SPON1: variants seen among roughly 807,000 people sequenced by gnomAD.
SPON1 encodes the protein spondin 1, also known as spondin-1.
In SPON1, 52 loss-of-function variants were observed where a neutral mutation model predicts 111.7. The observed-to-expected ratio is 0.47, with a 90% CI of 0.37 to 0.59. The LOEUF is 0.59. Among genes scored for constraint, SPON1 ranks in the 20% least tolerant of loss-of-function variants. The probability of loss-of-function intolerance (pLI) is 0.00; values close to 1 mark genes in which losing one functional copy is unlikely to be tolerated. For synonymous variants in SPON1, 410 were observed against 395.8 expected (o/e 1.04, Z -0.43); for missense variants, 957 against 1,068.5 (o/e 0.90, Z 1.46).
At chr11:14,144,633 C>A (rs1289863432) in intron 6 of SPON1, among the ~76,000 whole-genome samples, 2 of 123,970 alleles carry the variant, frequency 1.6e-5, no homozygotes, top group African/African-American at 6.6e-5. Context: ...GACTCCATCT[C>A]CAATAATAAT....
chr11:14,147,243 AG>A (rs1348202740), intron 6 of SPON1, among the ~76,000 whole-genome samples: 1 of 151,600 alleles, frequency 6.6e-6, no homozygotes, highest in Non-Finnish European at 1.5e-5. Flanking sequence ...CTTGTTGGTC[AG>A]GCTGGTCTCA....
chr11:14,054,939 T>C (rs567077585), intron 3 of SPON1, among the ~76,000 whole-genome samples: 1 of 152,242 alleles, frequency 6.6e-6, no homozygotes, highest in Non-Finnish European at 1.5e-5. Context: ...AGAAATCTGA[T>C]GAGTCAGTAT....
Position 14,122,481 on chromosome 11 carries a change from C to A in SPON1, c.677-12939C>A, listed in dbSNP as rs143623824. Reference sequence around the variant, plus strand: ...AGCCACTGTGCCCGGCCTGTCTCTTCAAATATTTTTCTAACTCAATCTATC... The same window carrying A: ...AGCCACTGTGCCCGGCCTGTCTCTTAAAATATTTTTCTAACTCAATCTATC... On this transcript the variant is annotated intron_variant, in intron 5 of 15. Transcript: ENST00000576479. 5.0e-3 allele frequency among the ~76,000 whole-genome samples: 763 copies of A among 152,242 alleles called. 4 individuals carry two copies. Among genetic ancestry groups the A allele is most frequent in the Admixed American group, 0.016 (237 of 15,282 alleles).
rs1285101972 is a variant in SPON1, at chr11:14,266,329, A to C, written c.*642A>C. On this transcript the variant is annotated 3_prime_UTR_variant, in exon 16 of 16. Transcript: ENST00000576479. Reference sequence around the variant, plus strand: ...TCCTGATGCCCCCCCAACAAAAATAAATAAATAAATTATGGCTGCTTTATT... The same window carrying C: ...TCCTGATGCCCCCCCAACAAAAATACATAAATAAATTATGGCTGCTTTATT... The C allele has an allele frequency of 6.6e-6, 1 of 151,870 alleles. No homozygotes were observed. Among genetic ancestry groups the C allele is most frequent in the African/African-American group, 2.4e-5 (1 of 41,330 alleles). 9.4% of individuals were successfully genotyped at this position (151,870 alleles called of 1,614,324 possible). A position where few individuals can be genotyped will look rare whatever the true frequency, so the allele number is the denominator to read the frequency against.
At chr11:14,260,466 G>A in intron 13 of SPON1, 122 bp from the exon 14 acceptor site, 1 of 1,065,498 alleles carries the variant, frequency 9.4e-7, no homozygotes, top group Non-Finnish European at 1.4e-6. Context: ...GAACCCATGG[G>A]CCAATTCCAC....
At chr11:13,993,025 A>G (rs1256774616) in intron 2 of SPON1, among the ~76,000 whole-genome samples, 3 of 152,004 alleles carry the variant, frequency 2.0e-5, no homozygotes, top group African/African-American at 7.2e-5. Flanking sequence ...TCCCCTAAAT[A>G]TTCTTTAAAT....
In SPON1 at chr11:14,129,751, C is replaced by T. The variant is rs532737357; in HGVS notation, c.677-5669C>T. Among the ~76,000 whole-genome samples the T allele has an allele frequency of 5.9e-5, 9 of 152,192 alleles. No homozygotes were observed. The South Asian group carries it at 1.7e-3, about 28-fold the overall frequency. On this transcript the variant is annotated intron_variant, in intron 5 of 15. Transcript: ENST00000576479. The stretch of plus-strand genomic sequence containing the variant: ...CTGCTATAAAGAACTACCTGCGACT[C>T]GGTAATTTATAAATAAAAGAAGTTT...
rs369211981 is a variant in SPON1 at position 14,073,665 on chromosome 11, G to A, written c.480-1680G>A. On this transcript the variant is annotated intron_variant, in intron 3 of 15. Coordinates refer to ENST00000576479, the MANE Select transcript of SPON1 (RefSeq NM_006108.4). ...CCTATTCTATGCTCTCCTGCACTCCGTGGACTTCCTTGTAAACTTTAATCA... is the reference window on the plus strand; with the variant it reads ...CCTATTCTATGCTCTCCTGCACTCCATGGACTTCCTTGTAAACTTTAATCA... Among the ~76,000 whole-genome samples the A allele has an allele frequency of 9.2e-5, 14 of 152,208 alleles. No homozygotes were observed. The East Asian group carries it at 9.7e-4, about 10-fold the overall frequency.
intron 3 of SPON1, among the ~76,000 whole-genome samples, chr11:14,060,655 G>A (rs1848784788): frequency 6.6e-6 from 1 of 152,184 alleles, no homozygotes; most frequent in African/African-American, 2.4e-5. Context: ...TCATCTGTCT[G>A]GGGTGGAATT....
chr11:14,104,333 TTG>T (rs1196285776), intron 5 of SPON1, among the ~76,000 whole-genome samples: 9 of 152,140 alleles, frequency 5.9e-5, no homozygotes, highest in African/African-American at 1.9e-4. Context: ...TATAGTTAAT[TTG>T]TTTTTTTTTC....
chr11:14,150,945 G>T (rs140103760), intron 6 of SPON1, among the ~76,000 whole-genome samples: 1,662 of 152,280 alleles, frequency 0.011, 16 homozygotes, highest in Non-Finnish European at 0.016. Context: ...ATCAGGACCA[G>T]GATAGCAGTT....
At chr11:14,262,331 C>A (rs1554941983) in intron 14 of SPON1, 4 of 242,400 alleles carry the variant, frequency 1.7e-5, no homozygotes, top group Non-Finnish European at 3.3e-5. Flanking sequence ...GGCTTGCTGG[C>A]CTTGCTCTGA....
At chr11:13,997,673 A>T (rs145054171) in intron 2 of SPON1, among the ~76,000 whole-genome samples, 1 of 152,330 alleles carries the variant, frequency 6.6e-6, no homozygotes, top group East Asian at 1.9e-4. Context: ...TTCCAACTCC[A>T]CAGGTGAGGA....
chr11:14,098,316 T>C (rs1261624600), intron 5 of SPON1, among the ~76,000 whole-genome samples: 1 of 152,242 alleles, frequency 6.6e-6, no homozygotes, highest in African/African-American at 2.4e-5. Flanking sequence ...TTTCAGCGCT[T>C]ATTGATATGA....
chr11:14,059,345 C>T lies in SPON1; in HGVS notation c.480-16000C>T, dbSNP rs140756732. ...CAAAGTTGGGTCAAGGTGAGCTGTT[C>T]GGGATGGAAACTGAATAAAGCAAAG... On this transcript the variant is annotated intron_variant, in intron 3 of 15. Coordinates refer to ENST00000576479, the MANE Select transcript of SPON1 (RefSeq NM_006108.4). Among the ~76,000 whole-genome samples the T allele has an allele frequency of 1.3e-5, 2 of 152,082 alleles. 1 individual carries two copies. The highest frequency in any genetic ancestry group is 4.2e-4 in the South Asian group (2 of 4,816).
intron 6 of SPON1, among the ~76,000 whole-genome samples, chr11:14,185,442 T>G (rs1848276517): frequency 6.6e-6 from 1 of 152,194 alleles, no homozygotes; most frequent in Non-Finnish European, 1.5e-5. Flanking sequence ...ACCTGACCTC[T>G]CTCATAACTC....
intron 6 of SPON1, among the ~76,000 whole-genome samples, chr11:14,212,089 T>G (rs576578999): frequency 3.3e-4 from 50 of 152,192 alleles, no homozygotes; most frequent in African/African-American, 1.2e-3. Flanking sequence ...TTATGTCATC[T>G]AATGTTAATA....
chr11:14,160,571 T>G (rs1257915733), intron 6 of SPON1, among the ~76,000 whole-genome samples: 2 of 26,046 alleles, frequency 7.7e-5, no homozygotes, highest in African/African-American at 1.6e-4. Context: ...ATATATATAT[T>G]TATATATATA....
At chr11:14,153,327 G>T (rs1847808488) in intron 6 of SPON1, among the ~76,000 whole-genome samples, 1 of 152,078 alleles carries the variant, frequency 6.6e-6, no homozygotes, top group African/African-American at 2.4e-5. Context: ...GGTTTAATTG[G>T]CTCATGGTTC....
Sources: gnomAD v4.1 joint callset for allele counts (sites outside exome capture counted in the v4.1 genomes callset) on GRCh38, gnomAD v4.1.1 for gene constraint, MANE v1.5 for transcripts, NCBI Gene and HGNC (gene_info 2026-07-23, HGNC 2026-07-21) for gene names.